FN1: variants seen among roughly 807,000 people sequenced by gnomAD.
FN1 encodes the protein fibronectin 1.
In FN1, 106 loss-of-function variants were observed where a neutral mutation model predicts 297.3. The observed-to-expected ratio is 0.36, with a 90% CI of 0.30 to 0.42. The LOEUF is 0.42. Ranked by LOEUF, FN1 falls within the 10% of genes least tolerant of loss-of-function variation. The pLI is 1.00. For missense variants in FN1, 2,690 were observed against 3,124.9 expected (o/e 0.86, Z 3.32); for synonymous variants, 1,149 against 1,152.6 (o/e 1.00, Z 0.06).
In FN1 at chr2:215,425,152, TTG is replaced by T. The variant is rs1475929971; in HGVS notation, c.976_977del (p.Gln326ArgfsTer3). ...YSVGMQWLKT[Q>X]GNKQMLCTCL... ...ACGTGCAAAGCATTTGCTTATTTCC[TTG>T]TGTCTTCAGCCACTGCATCCCCACA... On this transcript the variant is annotated frameshift_variant, in exon 7 of 46. Transcript: ENST00000354785. LOFTEE classifies it high-confidence loss of function. The T allele has an allele frequency of 6.2e-7, 1 of 1,614,226 alleles. No individual in the cohort carries two copies. Among genetic ancestry groups the T allele is most frequent in the East Asian group, 2.2e-5 (1 of 44,876 alleles).
Position 215,378,145 on chromosome 2 carries a change from T to C in FN1, c.5710+30A>G. 7 of 1,280,670 alleles carry C rather than the reference T, an allele frequency of 5.5e-6. No individual in the cohort carries two copies. The South Asian group carries it at 8.3e-5, about 15-fold the overall frequency. The allele number at this position is 1,280,670 out of a possible 1,614,324, so 79.3% of individuals were successfully genotyped here. A position where few individuals can be genotyped will look rare whatever the true frequency, so the allele number is the denominator to read the frequency against. On this transcript the variant is annotated intron_variant, in intron 35 of 45. Transcript: ENST00000354785. Reference sequence around the variant, plus strand: ...TTTAATTTTTGTCTATACAGAAGGTTTGTCCATATGAAGACATTTTGTTAC... The same window carrying C: ...TTTAATTTTTGTCTATACAGAAGGTCTGTCCATATGAAGACATTTTGTTAC...
chr2:215,406,616 G>C lies in FN1; in HGVS notation c.2714-106C>G, dbSNP rs114317959. 4 of 1,220,408 alleles carry C rather than the reference G, an allele frequency of 3.3e-6. No homozygotes were observed. In the African/African-American group the frequency reaches 6.0e-5, roughly 18 times the overall value. 75.6% of individuals were successfully genotyped at this position (1,220,408 alleles called of 1,614,324 possible). A position where few individuals can be genotyped will look rare whatever the true frequency, so the allele number is the denominator to read the frequency against. On this transcript the variant is annotated intron_variant, in intron 18 of 45. Coordinates refer to ENST00000354785, the MANE Select transcript of FN1 (RefSeq NM_212482.4). ...GCAGTTCATTGAGCCTCTCATTCGA[G>C]AGTTTTGCTAAGTTTTGTCTCTTAA...
chr2:215,385,011 T>C, intron 28 of FN1, 35 bp from the exon 29 acceptor site: 1 of 1,361,626 alleles, frequency 7.3e-7, no homozygotes, highest in Admixed American at 1.7e-5. Flanking sequence ...ACATCCGTAA[T>C]TTTCAAACAA....
rs374904353 is a variant in FN1, at chr2:215,415,128, G to A, written c.1820-170C>T. Among the ~76,000 whole-genome samples the A allele has an allele frequency of 3.9e-5, 6 of 152,194 alleles. No homozygotes were observed. In the East Asian group the frequency reaches 7.7e-4, roughly 20 times the overall value. On this transcript the variant is annotated intron_variant, in intron 12 of 45. Transcript: ENST00000354785. ...AATATTTACGTTGAAAATCAATGCA[G>A]CAAATCCATTTTTAGCCGATAATTA...
intron 10 of FN1, chr2:215,421,056 G>A (rs2064255986): frequency 4.5e-6 from 2 of 442,382 alleles, no homozygotes; most frequent in African/African-American, 2.0e-5. Flanking sequence ...TAAAGAATGT[G>A]GTAAAATACA....
chr2:215,368,492 A>C (rs931572684), intron 41 of FN1, among the ~76,000 whole-genome samples: 2 of 152,206 alleles, frequency 1.3e-5, no homozygotes, highest in Admixed American at 1.3e-4. Context: ...TCTTGTGAAG[A>C]TTATATAAGG....
chr2:215,365,669 G>A, intron 42 of FN1, 39 bp from the exon 43 acceptor site: 2 of 1,609,814 alleles, frequency 1.2e-6, no homozygotes, highest in South Asian at 2.2e-5. Context: ...AAAGTTATTT[G>A]TATATTCTGA....
Position 215,409,697 on chromosome 2 carries a change from A to C in FN1, c.2165T>G (p.Val722Gly). The change falls in exon 15 of 46, where the codon GTG (valine) becomes GGG (glycine). Residue 722 changes from valine (V) to glycine (G), a missense_variant. Val to Gly is a moderately radical substitution (Grantham distance 109, BLOSUM62 -3). Around this residue, in one of 3 missense-constraint regions of FN1, gnomAD observed 876 missense variants for 1,058.1 expected, o/e 0.83. Transcript: ENST00000354785. ...TTCGGTCACAGATTCAGAAGTGGCC[A>C]CAAGAGGAGAAAAGGGAGTCGTCTC... ...TGETTPFSPL[V>G]ATSESVTEIT... 6.2e-7 allele frequency: 1 copy of C among 1,614,124 alleles called. No homozygotes were observed. Among genetic ancestry groups the C allele is most frequent in the Non-Finnish European group, 8.5e-7 (1 of 1,180,014 alleles).
At chr2:215,376,204 C>G (rs1457004435) in intron 36 of FN1, among the ~76,000 whole-genome samples, 1 of 152,016 alleles carries the variant, frequency 6.6e-6, no homozygotes. Context: ...TTTTTTATTT[C>G]TTTTAGTTTT....
Position 215,371,957 on chromosome 2 carries a change from C to T in FN1, c.6666G>A (p.Glu2222=). The T allele has an allele frequency of 6.2e-7, 1 of 1,614,206 alleles. No homozygotes were observed. The highest frequency in any genetic ancestry group is 8.5e-7 in the Non-Finnish European group (1 of 1,180,036). ...ISWAPFQDTS[E]YIISCHPVGT... ...CAACAGGATGACATGAAATGATGTA[C>T]TCAGAAGTGTCCTGGAATGGGGCCC... Residue 2222 remains glutamate, a synonymous_variant, in exon 40 of 46, where the codon GAG becomes GAA. Transcript: ENST00000354785.
At chr2:215,382,004 A>G (rs1186151205) in intron 32 of FN1, 1 of 543,818 alleles carries the variant, frequency 1.8e-6, no homozygotes, top group Non-Finnish European at 3.3e-6. Flanking sequence ...GCAACTAACT[A>G]TGGTGGTTTC....
chr2:215,423,423 T>A lies in FN1; in HGVS notation c.1320A>T (p.Arg440Ser). The A allele has an allele frequency of 6.2e-7, 1 of 1,614,216 alleles. No individual in the cohort carries two copies. The highest frequency in any genetic ancestry group is 8.5e-7 in the Non-Finnish European group (1 of 1,180,028). Residue 440 changes from arginine to serine, a missense_variant, in exon 9 of 46, where the codon AGA (arginine) becomes AGT (serine). Physicochemically the swap from Arg to Ser is moderately radical, Grantham distance 110 (BLOSUM62 -1). Transcript: ENST00000354785. ...NYTDCTSEGR[R>S]DNMKWCGTTQ... ...TGGTCCCACACCACTTCATGTTGTCTCTTCTGCCCTCAGAAGTGCAATCAG... is the reference window on the plus strand; with the variant it reads ...TGGTCCCACACCACTTCATGTTGTCACTTCTGCCCTCAGAAGTGCAATCAG...
At chr2:215,395,552 CA>C (rs2060214888) in intron 23 of FN1, among the ~76,000 whole-genome samples, 1 of 142,636 alleles carries the variant, frequency 7.0e-6, no homozygotes, top group Non-Finnish European at 1.5e-5. Context: ...AAAAAAAAAA[CA>C]AAACAAACAA....
At chr2:215,395,457 T>C (rs1975319) in intron 23 of FN1, among the ~76,000 whole-genome samples, 29,612 of 151,284 alleles carry the variant, frequency 0.2, 3,217 homozygotes, top group Non-Finnish European at 0.24. Flanking sequence ...GAGAATCGCT[T>C]GAGCCCAGGA....
chr2:215,410,152 C>A (rs549440178), intron 13 of FN1, 38 bp from the exon 14 acceptor site: 7 of 1,456,564 alleles, frequency 4.8e-6, no homozygotes, highest in African/African-American at 2.8e-5. Context: ...CACACACACA[C>A]GTGTTTACAA....
intron 12 of FN1, among the ~76,000 whole-genome samples, chr2:215,415,793 A>G (rs1437796): frequency 6.6e-6 from 1 of 152,146 alleles, no homozygotes; most frequent in African/African-American, 2.4e-5. Context: ...AAGTAGCATC[A>G]ATTTCTAAGT....
intron 20 of FN1, among the ~76,000 whole-genome samples, chr2:215,401,226 GAAA>G (rs2061018402): frequency 5.8e-5 from 3 of 52,010 alleles, no homozygotes; most frequent in East Asian, 3.4e-4. Flanking sequence ...AAGAAAGAAA[GAAA>G]GAAAGAAAGA....
intron 26 of FN1, 107 bp from the exon 27 acceptor site, chr2:215,388,408 A>G (rs573150590): frequency 1.1e-5 from 9 of 810,106 alleles, no homozygotes; most frequent in Non-Finnish European, 1.9e-5. Flanking sequence ...GTCCAGTCCT[A>G]TAGCCTACTT....
At chr2:215,432,411 A>G (rs1234610206) in intron 3 of FN1, among the ~76,000 whole-genome samples, 1 of 152,192 alleles carries the variant, frequency 6.6e-6, no homozygotes, top group Non-Finnish European at 1.5e-5. Context: ...GTGGAAAGCA[A>G]ACAGACATAT....
Sources: gnomAD v4.1 joint callset for allele counts (sites outside exome capture counted in the v4.1 genomes callset) on GRCh38, gnomAD v4.1.1 for gene constraint, gnomAD v4.1.1 regional missense constraint, MANE v1.5 for transcripts, NCBI Gene and HGNC (gene_info 2026-07-23, HGNC 2026-07-21) for gene names.